YJU2B: variants seen among roughly 807,000 people sequenced by gnomAD.
YJU2B encodes the protein YJU2 splicing factor homolog B.
YJU2B carries 18 observed loss-of-function variants against 38.0 expected under a neutral mutation model. The ratio of observed to expected loss-of-function variants is 0.47; its 90% CI spans 0.33 to 0.70. The LOEUF is 0.70. Ranked by LOEUF, YJU2B falls within the 30% of genes least tolerant of loss-of-function variation. The probability of loss-of-function intolerance (pLI) is 0.02; values close to 1 mark genes in which losing one functional copy is unlikely to be tolerated. For synonymous variants in YJU2B, 246 were observed against 225.4 expected (o/e 1.09, Z -0.82); for missense variants, 538 against 556.3 (o/e 0.97, Z 0.33).
chr19:13,735,257 G>A (rs1224926093), intron 2 of YJU2B, among the ~76,000 whole-genome samples: 2 of 152,310 alleles, frequency 1.3e-5, no homozygotes, highest in East Asian at 3.9e-4. Context: ...AGAGGTTGCA[G>A]TGAGCCGAGA....
chr19:13,737,635 A>C (rs1008631614), intron 2 of YJU2B, among the ~76,000 whole-genome samples: 2 of 149,500 alleles, frequency 1.3e-5, no homozygotes, highest in African/African-American at 2.5e-5. Context: ...AAATACAAAA[A>C]TTAGCCAGGC....
rs1350380976 is a variant in YJU2B at position 13,758,997 on chromosome 19, G to T, written c.387G>T (p.Gln129His). 1.9e-5 allele frequency: 31 copies of T among 1,613,514 alleles called. No individual in the cohort carries two copies. Among genetic ancestry groups the T allele is most frequent in the Non-Finnish European group, 2.6e-5 (31 of 1,179,846 alleles). The part of the protein sequence containing the change: ...EERWDMADNE[Q>H]VLTTEHEKKQ... The stretch of plus-strand genomic sequence containing the variant: ...GCTGGGACATGGCGGACAATGAGCA[G>T]GTGCTGACCACAGGTGAGCGCCACC... The change falls in exon 7 of 10, where the codon CAG becomes CAT. Residue 129 changes from glutamine (Q) to histidine (H), a missense_variant. Around this residue, in one of 2 missense-constraint regions of YJU2B, gnomAD observed 488 missense variants for 469.5 expected, o/e 1.04. Transcript: ENST00000221554.
upstream of YJU2B, among the ~76,000 whole-genome samples, chr19:13,747,095 G>C (rs1477756130): frequency 6.6e-6 from 1 of 152,098 alleles, no homozygotes; most frequent in Non-Finnish European, 1.5e-5. Flanking sequence ...TACATGATTG[G>C]GAATGGTTTC....
chr19:13,735,005 A>C (rs1226325874), intron 2 of YJU2B, among the ~76,000 whole-genome samples: 1 of 152,200 alleles, frequency 6.6e-6, no homozygotes, highest in Non-Finnish European at 1.5e-5. Context: ...ACTGAGTGGA[A>C]CTAGCCCTGG....
At position 13,760,709 on chromosome 19, in the gene YJU2B, A is replaced by G. The variant is rs141278794; in HGVS notation, c.573+1437A>G. Among the ~76,000 whole-genome samples, 3 of 151,726 alleles carry G rather than the reference A, an allele frequency of 2.0e-5. No homozygotes were observed. In the East Asian group the frequency reaches 5.8e-4, roughly 29 times the overall value. ...CCAGGTTCAAGCAATCCTCCCCACT[A>G]AGCCTCCCAAGTAGCTGGGACCCAC... On this transcript the variant is annotated intron_variant, in intron 8 of 9. Transcript: ENST00000221554.
intron 6 of YJU2B, 61 bp from the exon 7 acceptor site, chr19:13,758,807 G>C: frequency 2.5e-6 from 4 of 1,589,294 alleles, no homozygotes; most frequent in African/African-American, 2.7e-5. Flanking sequence ...AGGCAGAGGC[G>C]ACAGGGCTGT....
At chr19:13,743,976 G>A (rs141766681), upstream of YJU2B, among the ~76,000 whole-genome samples, 297 of 152,262 alleles carry the variant, frequency 2.0e-3, 2 homozygotes, top group African/African-American at 6.3e-3. Flanking sequence ...GGTGGATCAC[G>A]AAGTCAGGAG....
intron 2 of YJU2B, among the ~76,000 whole-genome samples, chr19:13,737,025 T>TCAAA (rs1972965968): frequency 2.1e-5 from 1 of 47,542 alleles, no homozygotes. Context: ...AGACTCATTC[T>TCAAA]CAAAAAAAAA....
chr19:13,760,679 A>G (rs74444609), intron 8 of YJU2B, among the ~76,000 whole-genome samples: 4,544 of 151,840 alleles, frequency 0.03, 203 homozygotes, highest in African/African-American at 0.1. Context: ...TGCAGCCTCG[A>G]TGTCCCAGGT....
In YJU2B at chr19:13,762,783, C is replaced by T. The variant is rs770526847; in HGVS notation, c.906C>T (p.Asp302=). ...GCATCGTGCGGCGGAGGTCTCGGGA[C>T]GTCCCGGAGAGCCCCCAGCATGCGG... is the stretch of plus-strand genomic sequence containing the variant. ...DLGIVRRRSR[D]VPESPQHAAD... is the part of the protein sequence containing the mutation. The change falls in exon 10 of 10, where the codon GAC becomes GAT. Residue 302 remains aspartate (D), a synonymous_variant. Transcript: ENST00000221554. 11 of 1,602,850 alleles carry T rather than the reference C, an allele frequency of 6.9e-6. No homozygotes were observed. The Admixed American group carries it at 8.5e-5, about 12-fold the overall frequency.
intron 2 of YJU2B, among the ~76,000 whole-genome samples, chr19:13,740,255 C>T (rs1378722759): frequency 1.3e-5 from 2 of 152,170 alleles, no homozygotes; most frequent in South Asian, 2.1e-4. Flanking sequence ...CTCTGTCACC[C>T]AGGCCGAGTA....
chr19:13,734,729 C>T (rs969184001), intron 2 of YJU2B, among the ~76,000 whole-genome samples: 2 of 152,094 alleles, frequency 1.3e-5, no homozygotes, highest in East Asian at 3.9e-4. Flanking sequence ...GCTGGGATTA[C>T]AGGTGTGCTC....
intron 2 of YJU2B, among the ~76,000 whole-genome samples, chr19:13,733,267 T>G (rs1357227318): frequency 6.6e-6 from 1 of 151,958 alleles, no homozygotes; most frequent in Non-Finnish European, 1.5e-5. Flanking sequence ...CATCTCCATC[T>G]TAGTCAAACG....
rs1216769896 is a variant in YJU2B, at chr19:13,756,214, A to T, written c.75A>T (p.Arg25=). 1 of 1,614,026 alleles carries T rather than the reference A, an allele frequency of 6.2e-7. No homozygotes were observed. The highest frequency in any genetic ancestry group is 8.5e-7 in the Non-Finnish European group (1 of 1,179,988). Residue 25 remains arginine, a synonymous_variant, in exon 4 of 10, where the codon CGA becomes CGT. Coordinates refer to ENST00000221554, the MANE Select transcript of YJU2B (RefSeq NM_030818.4). ...FNPEKHGSLN[R]YHNSHPLRER... ...CCACACAGCATGGCTCTCTCAACCG[A>T]TACCACAACAGCCACCCGCTTCGGG...
At chr19:13,760,426 C>A (rs1416489664) in intron 8 of YJU2B, among the ~76,000 whole-genome samples, 2 of 152,006 alleles carry the variant, frequency 1.3e-5, no homozygotes, top group African/African-American at 4.8e-5. Flanking sequence ...GAGGACGTAG[C>A]CCTTCTGACT....
chr19:13,754,401 T>G (rs544334278), intron 3 of YJU2B, 59 bp downstream of exon 3: 1 of 1,408,226 alleles, frequency 7.1e-7, no homozygotes, highest in South Asian at 1.2e-5. Flanking sequence ...CATCCCCTCT[T>G]GGGGTTAGAG....
At chr19:13,756,056 A>C in intron 3 of YJU2B, 141 bp from the exon 4 acceptor site, 1 of 684,992 alleles carries the variant, frequency 1.5e-6, no homozygotes, top group Non-Finnish European at 2.6e-6. Context: ...CCCTATTGCT[A>C]TGAACACCCG....
chr19:13,745,713 AGATC>A (rs1973222645), upstream of YJU2B, among the ~76,000 whole-genome samples: 3 of 31,410 alleles, frequency 9.6e-5, no homozygotes, highest in African/African-American at 4.1e-4. Flanking sequence ...AGATATCTAT[AGATC>A]TATAGATATC....
chr19:13,753,574 C>CAA (rs34397712), intron 2 of YJU2B, among the ~76,000 whole-genome samples: 977 of 71,356 alleles, frequency 0.014, 39 homozygotes, highest in East Asian at 0.06. Flanking sequence ...AACTCTGTCT[C>CAA]AAAAAAAAAA....
Sources: allele counts gnomAD v4.1 joint callset (sites outside exome capture counted in the v4.1 genomes callset), GRCh38; gene constraint gnomAD v4.1.1; regional missense constraint gnomAD v4.1.1; transcripts MANE v1.5; gene names NCBI Gene and HGNC (gene_info 2026-07-23, HGNC 2026-07-21).